BTBD8: variants seen among roughly 807,000 people sequenced by gnomAD.
BTBD8 encodes the protein BTB/POZ domain-containing protein 8.
Under a neutral mutation model 162.9 loss-of-function variants are expected in BTBD8, and 110 were observed. The ratio of observed to expected loss-of-function variants is 0.68; its 90% confidence interval spans 0.58 to 0.79. The LOEUF is 0.79. Among genes scored for constraint, BTBD8 ranks in the 30% least tolerant of loss-of-function variants. The pLI is 0.00. For missense variants in BTBD8, 1,905 were observed against 2,085.4 expected (o/e 0.91, Z 1.68); for synonymous variants, 667 against 716.1 (o/e 0.93, Z 1.10).
intron 9 of BTBD8, chr1:92,150,961 C>A (rs1650030270): frequency 1.3e-5 from 2 of 152,026 alleles, no homozygotes; most frequent in African/African-American, 4.8e-5. Context: ...TCCCATGAAC[C>A]CTGAAGGATA....
At chr1:92,129,919 C>A in intron 5 of BTBD8, 143 bp downstream of exon 5, 1 of 732,878 alleles carries the variant, frequency 1.4e-6, no homozygotes, top group Non-Finnish European at 2.3e-6. Context: ...TTTTCTGAAA[C>A]GGGAAGTAAT....
In BTBD8 at chr1:92,177,855, A is replaced by C; in HGVS notation, c.2398A>C (p.Asn800His). Residue 800 changes from asparagine to histidine, a missense_variant, in exon 15 of 18, where the codon AAT becomes CAT. Coordinates refer to ENST00000636805, the MANE Select transcript of BTBD8 (RefSeq NM_001376131.1). ...PVSRVTNGTSNKKSIHEQDTN... is the reference protein window; with the variant it reads ...PVSRVTNGTSHKKSIHEQDTN... ...TTCAAGAGTTACCAATGGAACTTCC[A>C]ATAAAAAAAGTATTCATGAACAAGA... is the stretch of plus-strand genomic sequence containing the variant. 1 of 1,544,534 alleles carries C rather than the reference A, an allele frequency of 6.5e-7. No homozygotes were observed. Among genetic ancestry groups the C allele is most frequent in the Non-Finnish European group, 8.8e-7 (1 of 1,140,890 alleles).
intron 7 of BTBD8, among the ~76,000 whole-genome samples, chr1:92,145,956 G>A (rs1193337590): frequency 2.6e-5 from 4 of 151,950 alleles, no homozygotes; most frequent in Non-Finnish European, 5.9e-5. Context: ...ACTCCAGCCT[G>A]GGTGACAGAG....
At chr1:92,115,964 T>G (rs1260549948) in intron 4 of BTBD8, among the ~76,000 whole-genome samples, 2 of 152,072 alleles carry the variant, frequency 1.3e-5, no homozygotes, top group Non-Finnish European at 2.9e-5. Flanking sequence ...TGAAACGTTT[T>G]TCCTTTTCTA....
At chr1:92,143,209 C>T (rs1439163507) in intron 7 of BTBD8, among the ~76,000 whole-genome samples, 1 of 152,090 alleles carries the variant, frequency 6.6e-6, no homozygotes, top group East Asian at 1.9e-4. Flanking sequence ...TTAGTGTCTT[C>T]TCTGAGCTGA....
intron 5 of BTBD8, 94 bp from the exon 6 acceptor site, chr1:92,139,256 C>A: frequency 7.6e-7 from 1 of 1,320,302 alleles, no homozygotes; most frequent in Non-Finnish European, 1.0e-6. Flanking sequence ...AAGATTAGAA[C>A]ATCATCTTGG....
chr1:92,089,370 G>A (rs930904115), intron 2 of BTBD8, among the ~76,000 whole-genome samples: 25 of 152,188 alleles, frequency 1.6e-4, no homozygotes, highest in Non-Finnish European at 1.9e-4. Flanking sequence ...CTTGAGAACC[G>A]TTGCTACGTA....
chr1:92,091,187 C>T (rs747203696), intron 2 of BTBD8, among the ~76,000 whole-genome samples: 2 of 152,116 alleles, frequency 1.3e-5, no homozygotes, highest in Non-Finnish European at 2.9e-5. Flanking sequence ...ATAGTGAGTT[C>T]TCAGGAGATC....
In BTBD8 at chr1:92,181,225, A is replaced by G; in HGVS notation, c.3542A>G (p.Asp1181Gly). 2 of 1,551,778 alleles carry G rather than the reference A, an allele frequency of 1.3e-6. No homozygotes were observed. The highest frequency in any genetic ancestry group is 1.4e-5 in the African/African-American group (1 of 73,190). ...EGLTIPSKLS[D>G]ESAMDEDKHA... Reference sequence around the variant, plus strand: ...CTGACAATTCCTAGTAAGTTGTCAGATGAATCTGCTATGGATGAAGACAAA... The same window carrying G: ...CTGACAATTCCTAGTAAGTTGTCAGGTGAATCTGCTATGGATGAAGACAAA... Residue 1181 changes from aspartate (D) to glycine (G), a missense_variant, in exon 17 of 18, where the codon GAT becomes GGT. Around this residue, in one of 3 missense-constraint regions of BTBD8, gnomAD observed 1,374 missense variants for 1,442.7 expected, o/e 0.95. Coordinates refer to ENST00000636805, the MANE Select transcript of BTBD8 (RefSeq NM_001376131.1).
chr1:92,087,433 G>T (rs765489418), intron 1 of BTBD8, among the ~76,000 whole-genome samples: 11 of 152,094 alleles, frequency 7.2e-5, no homozygotes, highest in Non-Finnish European at 1.6e-4. Flanking sequence ...ATAATTTATT[G>T]AAAATATTGA....
At chr1:92,137,537 A>G (rs1401261732) in intron 5 of BTBD8, among the ~76,000 whole-genome samples, 3 of 152,234 alleles carry the variant, frequency 2.0e-5, no homozygotes, top group Non-Finnish European at 2.9e-5. Flanking sequence ...ATAGATGAAT[A>G]ATGTCTGTTG....
intron 8 of BTBD8, 88 bp downstream of exon 8, chr1:92,147,356 C>A (rs866212756): frequency 1.7e-6 from 2 of 1,169,352 alleles, no homozygotes; most frequent in South Asian, 1.4e-5. Context: ...TTAGAGTTGG[C>A]CTGTTTTCTT....
intron 2 of BTBD8, among the ~76,000 whole-genome samples, chr1:92,097,862 C>T (rs932017555): frequency 6.6e-6 from 1 of 152,068 alleles, no homozygotes; most frequent in Non-Finnish European, 1.5e-5. Context: ...AGAAAGGAAA[C>T]GGAAAAGCTG....
In BTBD8 at chr1:92,092,775, T is replaced by C. The variant is rs187597668; in HGVS notation, c.347+3880T>C. Among the ~76,000 whole-genome samples the C allele has an allele frequency of 1.6e-4, 24 of 152,346 alleles. No homozygotes were observed. The East Asian group carries it at 4.4e-3, about 28-fold the overall frequency. On this transcript the variant is annotated intron_variant, in intron 2 of 17. Coordinates refer to ENST00000636805, the MANE Select transcript of BTBD8 (RefSeq NM_001376131.1). ...TCGGGTTTTTATGTCCTTATGTATC[T>C]TTTATATGTCTAAGAAACTTCTGGG...
chr1:92,177,887 T>C lies in BTBD8; in HGVS notation c.2430T>C (p.Asn810=). 3 of 1,512,750 alleles carry C rather than the reference T, an allele frequency of 2.0e-6. No homozygotes were observed. The highest frequency in any genetic ancestry group is 2.7e-6 in the Non-Finnish European group (3 of 1,112,306). The allele number at this position is 1,512,750 out of a possible 1,614,324, so 93.7% of individuals were successfully genotyped here. ...AAAGTATTCATGAACAAGACACTAA[T>C]GTAAATAACAGGTAGGTCTTCATTC... The part of the protein sequence containing the change: ...NKKSIHEQDT[N]VNNSVLKKVS... The change falls in exon 15 of 18, where the codon AAT becomes AAC. Residue 810 remains asparagine (N), a synonymous_variant. Transcript: ENST00000636805.
intron 9 of BTBD8, among the ~76,000 whole-genome samples, chr1:92,162,879 T>G (rs1323273277): frequency 6.6e-6 from 1 of 152,188 alleles, no homozygotes; most frequent in Non-Finnish European, 1.5e-5. Flanking sequence ...AATAATGTTA[T>G]ATACAAGGTA....
chr1:92,179,940 G>A (rs751508814), intron 16 of BTBD8, among the ~76,000 whole-genome samples: 11 of 151,866 alleles, frequency 7.2e-5, no homozygotes, highest in African/African-American at 1.5e-4. Context: ...AAGAAAATCC[G>A]ATTTTTTCAC....
chr1:92,134,586 A>G (rs1343037209), intron 5 of BTBD8, among the ~76,000 whole-genome samples: 1 of 152,198 alleles, frequency 6.6e-6, no homozygotes, highest in African/African-American at 2.4e-5. Flanking sequence ...ATATAGCTAC[A>G]GACCAACTCC....
chr1:92,161,258 C>G (rs761660688), intron 9 of BTBD8, among the ~76,000 whole-genome samples: 4 of 152,204 alleles, frequency 2.6e-5, no homozygotes, highest in African/African-American at 4.8e-5. Flanking sequence ...TGTCACTTCT[C>G]CTCAAGCAGT....
Sources: allele counts gnomAD v4.1 joint callset (sites outside exome capture counted in the v4.1 genomes callset), GRCh38; gene constraint gnomAD v4.1.1; regional missense constraint gnomAD v4.1.1; transcripts MANE v1.5; gene names NCBI Gene and HGNC (gene_info 2026-07-23, HGNC 2026-07-21).